VAV2: variants seen among roughly 807,000 people sequenced by gnomAD.
VAV2 encodes guanine nucleotide exchange factor VAV2.
Under a neutral mutation model 132.5 loss-of-function variants are expected in VAV2, and 67 were observed. The observed-to-expected ratio is 0.51, with a 90% CI of 0.42 to 0.62. The LOEUF is 0.62. VAV2 is among the 20% of genes least tolerant of loss of function. The probability of loss-of-function intolerance (pLI) is 0.00; values close to 1 mark genes in which losing one functional copy is unlikely to be tolerated. For missense variants in VAV2, 938 were observed against 1,153.6 expected, an observed-to-expected ratio of 0.81 and a Z score of 2.71; for synonymous variants, 492 against 443.5, an observed-to-expected ratio of 1.11 and a Z score of -1.37.
intron 19 of VAV2, 142 bp from the exon 20 acceptor site, chr9:133,780,852 A>G (rs1833983834): frequency 2.1e-6 from 2 of 938,100 alleles, no homozygotes; most frequent in Non-Finnish European, 1.4e-6. Context: ...TGTTTTGGAC[A>G]TGGATCATGG....
chr9:133,859,644 C>CA lies in VAV2; in HGVS notation c.380+1729dup, dbSNP rs373814519. 9.1e-3 allele frequency among the ~76,000 whole-genome samples: 1,321 copies of CA among 145,122 alleles called. 11 individuals are homozygous for CA. Among genetic ancestry groups the CA allele is most frequent in the African/African-American group, 0.017 (693 of 39,648 alleles). ...GTAAAAAAAACAAAACAAAACAAAA[C>CA]AAAAAAAAAACAGGCTGGGGAGTAT... On this transcript the variant is annotated intron_variant, in intron 3 of 29. Transcript: ENST00000371850.
chr9:133,953,535 A>T (rs1312959226), intron 1 of VAV2, among the ~76,000 whole-genome samples: 1 of 151,674 alleles, frequency 6.6e-6, no homozygotes, highest in Non-Finnish European at 1.5e-5. Flanking sequence ...TGTGGTTTTG[A>T]CCCCCAGGCT....
intron 2 of VAV2, among the ~76,000 whole-genome samples, chr9:133,880,930 A>T (rs1255690987): frequency 2.0e-5 from 3 of 152,202 alleles, no homozygotes; most frequent in Non-Finnish European, 4.4e-5. Flanking sequence ...AACTGCAAGG[A>T]TCCCTGGGCA....
chr9:133,824,655 A>G lies in VAV2; in HGVS notation c.449+9617T>C, dbSNP rs1835915522. ...ACATGTGGGAGGTAGAGGAACCTCG[A>G]GTGAGAAGTGCAGGGGCCCACAACG... On this transcript the variant is annotated intron_variant, in intron 4 of 29. Coordinates refer to ENST00000371850, the MANE Select transcript of VAV2 (RefSeq NM_001134398.2). This position sits in a 1 kb window ranked among gnomAD's most constrained non-coding sequence, Gnocchi z 5.2. 1.3e-5 allele frequency among the ~76,000 whole-genome samples: 2 copies of G among 151,962 alleles called. No homozygotes were observed. Among genetic ancestry groups the G allele is most frequent in the South Asian group, 4.1e-4 (2 of 4,820 alleles).
chr9:133,795,623 T>C lies in VAV2; in HGVS notation c.1101+45A>G, dbSNP rs766312371. On this transcript the variant is annotated intron_variant, in intron 12 of 29. Transcript: ENST00000371850. ...CCAATTCCAGTCCAAGAACACGGGC[T>C]AAGCCAGACGGTGGCTTCTCCCCTG... 16 of 1,608,396 alleles carry C rather than the reference T, an allele frequency of 9.9e-6. No individual in the cohort carries two copies. The East Asian group carries it at 3.6e-4, about 36-fold the overall frequency.
intron 12 of VAV2, among the ~76,000 whole-genome samples, chr9:133,792,826 G>A (rs1358561840): frequency 1.3e-5 from 2 of 151,700 alleles, no homozygotes; most frequent in Non-Finnish European, 2.9e-5. Flanking sequence ...GCAGGAAAGG[G>A]AACACACTGA....
chr9:133,780,026 C>T (rs550451925), intron 20 of VAV2, 87 bp from the exon 21 acceptor site: 93 of 1,567,136 alleles, frequency 5.9e-5, no homozygotes, highest in South Asian at 5.1e-4. Context: ...CCCTCCCTGT[C>T]CCCACTAGTT....
chr9:133,947,699 CA>C (rs75534755), intron 1 of VAV2, among the ~76,000 whole-genome samples: 56,242 of 134,058 alleles, frequency 0.42, 10,763 homozygotes, highest in East Asian at 0.45. Context: ...AACTCCGTCT[CA>C]AAAAAAAAAA....
chr9:133,860,206 G>C (rs1010119046), intron 3 of VAV2, among the ~76,000 whole-genome samples: 2 of 151,842 alleles, frequency 1.3e-5, no homozygotes. Context: ...GGAGGCTGAG[G>C]CAGGAGAATG....
chr9:133,844,940 A>G (rs149702044), intron 3 of VAV2, among the ~76,000 whole-genome samples: 4,073 of 152,324 alleles, frequency 0.027, 69 homozygotes, highest in African/African-American at 0.05. Flanking sequence ...CCCAACCAGG[A>G]CAGCTCTGAG....
chr9:133,865,791 T>A (rs1379305399), intron 2 of VAV2, among the ~76,000 whole-genome samples: 1 of 152,246 alleles, frequency 6.6e-6, no homozygotes, highest in African/African-American at 2.4e-5. Flanking sequence ...AACACACGTA[T>A]ATATTGTTCT....
intron 2 of VAV2, among the ~76,000 whole-genome samples, chr9:133,880,430 G>C (rs79368569): frequency 0.013 from 1,999 of 152,324 alleles, 33 homozygotes; most frequent in African/African-American, 0.042. Context: ...GAACTCCCAG[G>C]TCAGAAAAGG....
chr9:133,830,870 A>G (rs1440614659), intron 4 of VAV2, among the ~76,000 whole-genome samples: 1 of 152,158 alleles, frequency 6.6e-6, no homozygotes, highest in Non-Finnish European at 1.5e-5. Flanking sequence ...CAACATAAAA[A>G]ATTTATTAAA....
At chr9:133,835,636 C>T (rs942597794) in intron 3 of VAV2, among the ~76,000 whole-genome samples, 4 of 152,156 alleles carry the variant, frequency 2.6e-5, no homozygotes, top group African/African-American at 9.7e-5. Flanking sequence ...CTGCCCGGGC[C>T]CAGATGCCAG....
chr9:133,936,975 C>A (rs1242620919), intron 2 of VAV2, among the ~76,000 whole-genome samples: 1 of 152,250 alleles, frequency 6.6e-6, no homozygotes, highest in Admixed American at 6.5e-5. Context: ...CTTGGCCACA[C>A]AGCTGGTAAG....
At chr9:133,895,476 T>G (rs542562200) in intron 2 of VAV2, among the ~76,000 whole-genome samples, 2 of 152,364 alleles carry the variant, frequency 1.3e-5, no homozygotes, top group Non-Finnish European at 2.9e-5. Context: ...CACTATGGAC[T>G]ATCACGCCGA....
intron 2 of VAV2, among the ~76,000 whole-genome samples, chr9:133,864,292 C>T (rs1252865914): frequency 6.6e-6 from 1 of 152,194 alleles, no homozygotes; most frequent in Non-Finnish European, 1.5e-5. Context: ...AATGATGTGC[C>T]ACTCAAAACG....
At chr9:133,924,923 G>A (rs1474749886) in intron 2 of VAV2, among the ~76,000 whole-genome samples, 1 of 152,264 alleles carries the variant, frequency 6.6e-6, no homozygotes, top group Non-Finnish European at 1.5e-5. Context: ...CCACAGCGCA[G>A]GTGAAACCTG....
chr9:133,828,387 G>A (rs77023706), intron 4 of VAV2, among the ~76,000 whole-genome samples: 156 of 3,724 alleles, frequency 0.042, 22 homozygotes, highest in South Asian at 0.1. Flanking sequence ...GCGCCCACTG[G>A]GGCTGACCAC....
Sources: gnomAD v4.1 joint callset for allele counts (sites outside exome capture counted in the v4.1 genomes callset) on GRCh38, gnomAD v4.1.1 for gene constraint, Gnocchi (gnomAD v3.1) non-coding constraint, MANE v1.5 for transcripts, NCBI Gene and HGNC (gene_info 2026-07-23, HGNC 2026-07-21) for gene names.